The following ZBTB7C variants were observed in gnomAD, a reference collection of about 807,000 sequenced individuals.
ZBTB7C encodes zinc finger and BTB domain containing 7C.
A neutral mutation model predicts 25.7 loss-of-function variants in ZBTB7C; 8 were observed. The ratio of observed to expected loss-of-function variants is 0.31; its 90% CI spans 0.18 to 0.56. ZBTB7C has a LOEUF of 0.56. Among genes scored for constraint, ZBTB7C ranks in the 20% least tolerant of loss-of-function variants. ZBTB7C has a pLI of 0.91. For synonymous variants in ZBTB7C, 394 were observed against 369.0 expected (o/e 1.07, Z -0.78); for missense variants, 824 against 855.2 (o/e 0.96, Z 0.46).
intron 1 of ZBTB7C, among the ~76,000 whole-genome samples, chr18:48,387,844 T>TGTA (rs141429047): frequency 0.072 from 10,661 of 147,360 alleles, 1,966 homozygotes; most frequent in East Asian, 0.72. Flanking sequence ...TTGTTGTTGT[T>TGTA]GTTTGTTTGT....
chr18:48,181,681 C>T (rs1164877849), intron 3 of ZBTB7C, among the ~76,000 whole-genome samples: 2 of 152,148 alleles, frequency 1.3e-5, no homozygotes, highest in African/African-American at 2.4e-5. Context: ...ACTAGGACCT[C>T]GTCCACCTTC....
At chr18:48,245,744 C>T (rs34970766) in intron 2 of ZBTB7C, among the ~76,000 whole-genome samples, 53,830 of 151,762 alleles carry the variant, frequency 0.35, 11,129 homozygotes, top group Non-Finnish European at 0.48. Context: ...CCGGTTGAGC[C>T]CAGGTTGAGA....
In ZBTB7C at chr18:48,229,032, G is replaced by A. The variant is rs112413426; in HGVS notation, c.-78-43037C>T. Among the ~76,000 whole-genome samples the A allele has an allele frequency of 4.6e-3, 702 of 152,186 alleles. 7 individuals are homozygous for A. The highest frequency in any genetic ancestry group is 7.6e-3 in the Non-Finnish European group (517 of 68,018). On this transcript the variant is annotated intron_variant, in intron 2 of 4. Transcript: ENST00000590800. ...TGCGAGGCTGGAGGTGAAGACAGCCGGGGTCATGGGAAGGGAGGCGGAAAA... is the reference window on the plus strand; with the variant it reads ...TGCGAGGCTGGAGGTGAAGACAGCCAGGGTCATGGGAAGGGAGGCGGAAAA...
At chr18:48,162,032 C>T (rs1275753759) in intron 3 of ZBTB7C, among the ~76,000 whole-genome samples, 1 of 152,156 alleles carries the variant, frequency 6.6e-6, no homozygotes, top group Non-Finnish European at 1.5e-5. Flanking sequence ...CGGGCGGGAC[C>T]CGCACTGACC....
intron 3 of ZBTB7C, among the ~76,000 whole-genome samples, chr18:48,078,921 T>C (rs537419951): frequency 6.6e-6 from 1 of 152,240 alleles, no homozygotes; most frequent in Admixed American, 6.5e-5. Flanking sequence ...ACTGAATGCA[T>C]ATATCACAAT....
chr18:48,167,602 G>A lies in ZBTB7C; in HGVS notation c.-17+18332C>T, dbSNP rs1448472768. Among the ~76,000 whole-genome samples, 12 of 149,012 alleles carry A rather than the reference G, an allele frequency of 8.1e-5. 1 individual carries two copies. Among genetic ancestry groups the A allele is most frequent in the South Asian group, 4.2e-4 (2 of 4,730 alleles). ...TGTGTGTGTGTGTGTGTGTGTGCGC[G>A]CGTGCACACGCGCATGCGCCAGTAG... is the stretch of plus-strand genomic sequence containing the variant. On this transcript the variant is annotated intron_variant, in intron 3 of 4. Transcript: ENST00000590800.
intron 3 of ZBTB7C, among the ~76,000 whole-genome samples, chr18:48,141,152 C>A (rs550183425): frequency 0.032 from 4,733 of 145,686 alleles, 330 homozygotes; most frequent in East Asian, 0.18. Flanking sequence ...CACCACCCCC[C>A]CCACTGTTCC....
chr18:48,085,034 G>A (rs2038142408), intron 3 of ZBTB7C, among the ~76,000 whole-genome samples: 1 of 152,102 alleles, frequency 6.6e-6, no homozygotes, highest in Admixed American at 6.5e-5. Context: ...CCCCGGGAAT[G>A]GTGTCATTAA....
At chr18:48,136,880 T>A in intron 3 of ZBTB7C, 1 of 829,032 alleles carries the variant, frequency 1.2e-6, no homozygotes. Flanking sequence ...GTAGCGAGAA[T>A]GCCCGCAGCG....
intron 1 of ZBTB7C, among the ~76,000 whole-genome samples, chr18:48,401,570 T>C (rs1299599008): frequency 1.3e-5 from 2 of 152,134 alleles, no homozygotes; most frequent in Admixed American, 1.3e-4. Context: ...AGCCTCAGTT[T>C]CCCCATCTGC....
chr18:48,046,227 G>T (rs1235959478), intron 3 of ZBTB7C, among the ~76,000 whole-genome samples: 1 of 152,224 alleles, frequency 6.6e-6, no homozygotes, highest in Non-Finnish European at 1.5e-5. Flanking sequence ...AGACACTATA[G>T]ATTTGTGATA....
chr18:48,161,646 C>T (rs2041038950), intron 3 of ZBTB7C, among the ~76,000 whole-genome samples: 1 of 151,948 alleles, frequency 6.6e-6, no homozygotes, highest in African/African-American at 2.4e-5. Context: ...GCGCCCCGGA[C>T]TCCGTGCCTG....
intron 3 of ZBTB7C, among the ~76,000 whole-genome samples, chr18:48,172,351 C>T (rs1315243566): frequency 2.0e-5 from 3 of 152,176 alleles, no homozygotes; most frequent in Admixed American, 2.0e-4. Flanking sequence ...GTGGAGCAGG[C>T]AGGGGGGCAC....
intron 3 of ZBTB7C, among the ~76,000 whole-genome samples, chr18:48,123,502 C>T (rs891301925): frequency 1.3e-5 from 2 of 152,262 alleles, no homozygotes; most frequent in African/African-American, 4.8e-5. Context: ...GAGGCCCTTT[C>T]AGCCCCAGAG....
chr18:48,123,646 G>A (rs891697192), intron 3 of ZBTB7C, among the ~76,000 whole-genome samples: 3 of 149,992 alleles, frequency 2.0e-5, no homozygotes, highest in African/African-American at 5.1e-5. Flanking sequence ...CTTCCTGGTC[G>A]GCTGCCCAGA....
At chr18:48,151,921 G>T (rs1236385767) in intron 3 of ZBTB7C, among the ~76,000 whole-genome samples, 2 of 152,166 alleles carry the variant, frequency 1.3e-5, no homozygotes, top group East Asian at 3.8e-4. Flanking sequence ...ATGCGGGTGG[G>T]GAAGCAGTGG....
chr18:48,155,413 C>T (rs1389179516), intron 3 of ZBTB7C, among the ~76,000 whole-genome samples: 3 of 149,084 alleles, frequency 2.0e-5, no homozygotes, highest in Non-Finnish European at 4.5e-5. Flanking sequence ...CTGCAAGCTC[C>T]GCCCCCCGGG....
At chr18:48,318,984 A>T (rs2046021786) in intron 2 of ZBTB7C, among the ~76,000 whole-genome samples, 1 of 152,182 alleles carries the variant, frequency 6.6e-6, no homozygotes, top group Non-Finnish European at 1.5e-5. Flanking sequence ...TTTTATTTTA[A>T]TAGAGAGATG....
chr18:48,279,343 G>A (rs746357441), intron 2 of ZBTB7C, among the ~76,000 whole-genome samples: 16 of 152,110 alleles, frequency 1.1e-4, no homozygotes, highest in Non-Finnish European at 2.1e-4. Flanking sequence ...CAGTCATTTC[G>A]TGGTCAACAT....
Sources: allele counts gnomAD v4.1 joint callset (sites outside exome capture counted in the v4.1 genomes callset), GRCh38; gene constraint gnomAD v4.1.1; transcripts MANE v1.5; gene names NCBI Gene and HGNC (gene_info 2026-07-23, HGNC 2026-07-21).